USP4: variants seen among roughly 807,000 people sequenced by gnomAD.
USP4 encodes the protein ubiquitin carboxyl-terminal hydrolase 4.
In USP4, 72 loss-of-function variants were observed where a neutral mutation model predicts 118.2. The observed-to-expected ratio is 0.61, with a 90% CI of 0.50 to 0.74. The LOEUF is 0.74. Among genes scored for constraint, USP4 ranks in the 30% least tolerant of loss-of-function variants. The pLI is 0.00. For missense variants in USP4, 1,037 were observed against 1,185.7 expected (o/e 0.87, Z 1.84); for synonymous variants, 415 against 440.4 (o/e 0.94, Z 0.72).
chr3:49,300,348 A>T, intron 11 of USP4, 119 bp downstream of exon 11: 1 of 835,852 alleles, frequency 1.2e-6, no homozygotes, highest in Non-Finnish European at 1.9e-6. Flanking sequence ...CCAAGGGCCC[A>T]TACCCAGGCA....
chr3:49,320,318 T>C (rs535272302), intron 6 of USP4, among the ~76,000 whole-genome samples: 7 of 152,276 alleles, frequency 4.6e-5, no homozygotes, highest in Admixed American at 4.6e-4. Flanking sequence ...GGCGCATGCC[T>C]GTAATCCCAG....
intron 1 of USP4, 28 bp downstream of exon 1, chr3:49,339,896 A>G (rs752509183): frequency 1.9e-6 from 3 of 1,599,364 alleles, no homozygotes; most frequent in Non-Finnish European, 2.6e-6. Flanking sequence ...CTGGTTCTGC[A>G]TAGAGGAAGA....
intron 2 of USP4, among the ~76,000 whole-genome samples, chr3:49,328,155 T>G (rs551790528): frequency 4.3e-4 from 65 of 152,126 alleles, no homozygotes; most frequent in African/African-American, 1.5e-3. Context: ...GTCAGGAGTT[T>G]GAGAGCAGCC....
intron 6 of USP4, chr3:49,313,958 C>G (rs1160535692): frequency 1.3e-5 from 2 of 152,132 alleles, no homozygotes; most frequent in Non-Finnish European, 2.9e-5. Flanking sequence ...CCTCCTGCCT[C>G]AGCCTCCCAA....
In USP4 at chr3:49,284,968, A is replaced by G. The variant is rs377696837; in HGVS notation, c.2201-49T>C. On this transcript the variant is annotated intron_variant, in intron 16 of 21. Coordinates refer to ENST00000265560, the MANE Select transcript of USP4 (RefSeq NM_003363.4). ...TGTTATGGAATGGCAAGCAACAGGA[A>G]AGGCTCTCCAAGTGACAGGAGTGAG... The G allele has an allele frequency of 3.5e-5, 51 of 1,468,510 alleles. No individual in the cohort carries two copies. The African/African-American group carries it at 5.7e-4, about 16-fold the overall frequency. 91.0% of individuals were successfully genotyped at this position (1,468,510 alleles called of 1,614,324 possible). A position where few individuals can be genotyped will look rare whatever the true frequency, so the allele number is the denominator to read the frequency against.
At chr3:49,328,147 C>T (rs1289664984) in intron 2 of USP4, among the ~76,000 whole-genome samples, 2 of 152,014 alleles carry the variant, frequency 1.3e-5, no homozygotes, top group Non-Finnish European at 2.9e-5. Flanking sequence ...ATCATGAGGT[C>T]AGGAGTTTGA....
At chr3:49,317,870 T>C (rs2047457952) in intron 6 of USP4, among the ~76,000 whole-genome samples, 1 of 144,450 alleles carries the variant, frequency 6.9e-6, no homozygotes, top group Non-Finnish European at 1.5e-5. Context: ...AGTTTCACTC[T>C]TGTTGCCCAG....
At position 49,286,255 on chromosome 3, in the gene USP4, C is replaced by A. The variant is rs2047089888; in HGVS notation, c.2043G>T (p.Gly681=). 2 of 1,614,124 alleles carry A rather than the reference C, an allele frequency of 1.2e-6. No homozygotes were observed. Among genetic ancestry groups the A allele is most frequent in the Admixed American group, 3.3e-5 (2 of 60,000 alleles). Reference sequence around the variant, plus strand: ...TGGGGTCATTTCCTGGCTCATCTTCCCCACTGCCTTCTGTTTCTGAAAGCT... The same window carrying A: ...TGGGGTCATTTCCTGGCTCATCTTCACCACTGCCTTCTGTTTCTGAAAGCT... ...KEQLSETEGS[G]EDEPGNDPSE... The change falls in exon 16 of 22, where the codon GGG becomes GGT. Residue 681 remains glycine (G), a synonymous_variant. Coordinates refer to ENST00000265560, the MANE Select transcript of USP4 (RefSeq NM_003363.4).
chr3:49,320,776 C>G (rs1315171065), intron 6 of USP4, among the ~76,000 whole-genome samples: 1 of 152,118 alleles, frequency 6.6e-6, no homozygotes, highest in African/African-American at 2.4e-5. Context: ...TTCTAACATG[C>G]TTTCTAATTA....
chr3:49,318,707 G>A (rs902755662), intron 6 of USP4: 10 of 713,242 alleles, frequency 1.4e-5, no homozygotes, highest in Admixed American at 6.3e-5. Flanking sequence ...CCAGGAGTTC[G>A]AGACCAGCCT....
chr3:49,336,314 G>A (rs1022452269), intron 1 of USP4, among the ~76,000 whole-genome samples: 3 of 149,758 alleles, frequency 2.0e-5, no homozygotes, highest in African/African-American at 2.5e-5. Flanking sequence ...TGGGATTACA[G>A]GCATGCATCA....
At position 49,312,479 on chromosome 3, in the gene USP4, A is replaced by G. The variant is rs894242812; in HGVS notation, c.696-825T>C. ...GACAGAGTGAGACTCCATCTCAAAA[A>G]AAAAAAAATTAGCCAGATGTGATGG... On this transcript the variant is annotated intron_variant, in intron 6 of 21. Coordinates refer to ENST00000265560, the MANE Select transcript of USP4 (RefSeq NM_003363.4). 5 of 454,008 alleles carry G rather than the reference A, an allele frequency of 1.1e-5. No individual in the cohort carries two copies. In the Admixed American group the frequency reaches 1.2e-4, roughly 11 times the overall value. The allele number at this position is 454,008 out of a possible 1,614,324, so 28.1% of individuals were successfully genotyped here. A position where few individuals can be genotyped will look rare whatever the true frequency, so the allele number is the denominator to read the frequency against.
intron 19 of USP4, 100 bp from the exon 20 acceptor site, chr3:49,280,947 A>C: frequency 1.2e-6 from 1 of 860,124 alleles, no homozygotes; most frequent in Non-Finnish European, 1.9e-6. Flanking sequence ...GGCAGAACAC[A>C]GGGAGGCACT....
At chr3:49,281,714 CAAAAA>C (rs35039639) in intron 19 of USP4, among the ~76,000 whole-genome samples, 1 of 73,746 alleles carries the variant, frequency 1.4e-5, no homozygotes. Context: ...AACTCCGTCT[CAAAAA>C]AAAAAAAAAA....
chr3:49,293,119 T>C (rs1337248853), intron 14 of USP4, among the ~76,000 whole-genome samples: 1 of 152,066 alleles, frequency 6.6e-6, no homozygotes, highest in Non-Finnish European at 1.5e-5. Context: ...GGCTCACACC[T>C]GTAATGCCGG....
chr3:49,335,948 C>T (rs1346500415), intron 1 of USP4, among the ~76,000 whole-genome samples: 1 of 152,136 alleles, frequency 6.6e-6, no homozygotes, highest in Non-Finnish European at 1.5e-5. Context: ...ACTGCAACCT[C>T]TGCCTCCCAG....
intron 13 of USP4, among the ~76,000 whole-genome samples, chr3:49,294,883 G>C (rs1222832570): frequency 6.6e-6 from 1 of 152,030 alleles, no homozygotes; most frequent in African/African-American, 2.4e-5. Context: ...CTTCAACTGG[G>C]ACCCAACACA....
chr3:49,327,773 C>T lies in USP4; in HGVS notation c.273G>A (p.Leu91=). 6.2e-7 allele frequency: 1 copy of T among 1,613,852 alleles called. No individual in the cohort carries two copies. The highest frequency in any genetic ancestry group is 2.2e-5 in the East Asian group (1 of 44,876). Residue 91 remains leucine (L), a synonymous_variant, in exon 3 of 22, where the codon TTG becomes TTA. Transcript: ENST00000265560. ...QTLKEHLIDE[L]DYVLVPTEAW... is the part of the protein sequence containing the mutation. ...CCTCGGTAGGGACCAATACATAGTC[C>T]AATTCATCAATTAAGTGTTCTTTCA...
chr3:49,281,734 CG>C (rs750315330), intron 19 of USP4, among the ~76,000 whole-genome samples: 1 of 148,802 alleles, frequency 6.7e-6, no homozygotes, highest in Non-Finnish European at 1.5e-5. Flanking sequence ...AAAAAAAGGC[CG>C]GGCACAGTGG....
Sources: allele counts gnomAD v4.1 joint callset (sites outside exome capture counted in the v4.1 genomes callset), GRCh38; gene constraint gnomAD v4.1.1; transcripts MANE v1.5; gene names NCBI Gene and HGNC (gene_info 2026-07-23, HGNC 2026-07-21).